CIROZ: variants seen among roughly 807,000 people sequenced by gnomAD.
CIROZ encodes ciliated left-right organizer ZP-N domains-containing protein.
At chr1:10,950,796 G>A in the CIROZ span, among the ~76,000 whole-genome samples, 11,747 of 152,200 alleles carry the variant, frequency 0.077, 789 homozygotes, top group African/African-American at 0.18. Flanking sequence ...TGTTTGACTC[G>A]GCCTGCAGGG....
At chr1:10,977,907 C>T in the CIROZ span, among the ~76,000 whole-genome samples, 11 of 152,110 alleles carry the variant, frequency 7.2e-5, no homozygotes, top group African/African-American at 1.2e-4. Context: ...CTGTGGTTCA[C>T]GCCTGTAATC....
the CIROZ span, chr1:10,957,633 G>A: frequency 3.7e-5 from 60 of 1,614,060 alleles, no homozygotes; most frequent in Non-Finnish European, 4.9e-5. Flanking sequence ...CTCTGAAGAA[G>A]GCCTTGTCTC....
At chr1:10,958,658 G>A in the CIROZ span, 1 of 1,599,280 alleles carries the variant, frequency 6.3e-7, no homozygotes, top group African/African-American at 1.3e-5. Context: ...GCACCCACCA[G>A]TCCTAGCAGA....
At chr1:10,951,745 A>AAATATAT in the CIROZ span, among the ~76,000 whole-genome samples, 16 of 119,190 alleles carry the variant, frequency 1.3e-4, no homozygotes, top group African/African-American at 3.6e-4. Flanking sequence ...AAAAAAAAAA[A>AAATATAT]ATATATATAT....
chr1:10,951,745 A>AAAAAAAAAAAATATATATATATATAT, the CIROZ span, among the ~76,000 whole-genome samples: 8 of 119,192 alleles, frequency 6.7e-5, no homozygotes. Context: ...AAAAAAAAAA[A>AAAAAAAAAAAATATATATATATATAT]ATATATATAT....
chr1:10,956,975 T>G, the CIROZ span: 1 of 1,479,256 alleles, frequency 6.8e-7, no homozygotes, highest in Non-Finnish European at 9.2e-7. Flanking sequence ...CAGACCAGAA[T>G]GTGATGAAGT....
the CIROZ span, among the ~76,000 whole-genome samples, chr1:10,972,410 G>A: frequency 8.3e-6 from 1 of 120,784 alleles, no homozygotes; most frequent in African/African-American, 3.1e-5. Context: ...GCAAGACCCT[G>A]TCTCTGAAAT....
At chr1:10,972,940 T>C in the CIROZ span, among the ~76,000 whole-genome samples, 1 of 145,568 alleles carries the variant, frequency 6.9e-6, no homozygotes, top group African/African-American at 2.8e-5. Flanking sequence ...AATAAATAAG[T>C]AAAAATTTAA....
the CIROZ span, among the ~76,000 whole-genome samples, chr1:10,947,384 C>T: frequency 2.0e-3 from 298 of 152,336 alleles, 8 homozygotes; most frequent in East Asian, 0.038. Context: ...GACGGCCTGC[C>T]GCTTCACCCC....
chr1:10,973,865 G>A, the CIROZ span, among the ~76,000 whole-genome samples: 2 of 152,142 alleles, frequency 1.3e-5, no homozygotes, highest in Non-Finnish European at 2.9e-5. Flanking sequence ...GAGCAGGCAG[G>A]ATCTGCCTTC....
chr1:10,948,691 G>A, the CIROZ span: 1 of 1,598,946 alleles, frequency 6.3e-7, no homozygotes, highest in South Asian at 1.1e-5. Flanking sequence ...TCCGAGGGGA[G>A]CGTGGCTGGA....
At chr1:10,957,106 A>G in the CIROZ span, 166 of 1,548,738 alleles carry the variant, frequency 1.1e-4, no homozygotes, top group Non-Finnish European at 1.4e-4. Context: ...GGTGTTCAGC[A>G]CCTGGGGAGG....
the CIROZ span, among the ~76,000 whole-genome samples, chr1:10,950,031 T>C: frequency 1.1e-5 from 1 of 95,090 alleles, no homozygotes; most frequent in Non-Finnish European, 1.8e-5. Context: ...ATCAAGATTC[T>C]TTTTTTTTTT....
the CIROZ span, among the ~76,000 whole-genome samples, chr1:10,974,906 A>G: frequency 2.0e-5 from 3 of 152,320 alleles, no homozygotes; most frequent in Admixed American, 6.5e-5. This position sits in a 1 kb window ranked among gnomAD's most constrained non-coding sequence, Gnocchi z 4.4. Context: ...GTTGCTGTCA[A>G]TAGTGAAGAT....
chr1:10,977,216 T>A, the CIROZ span, among the ~76,000 whole-genome samples: 1 of 151,662 alleles, frequency 6.6e-6, no homozygotes, highest in African/African-American at 2.4e-5. Context: ...AAATGATGAA[T>A]CTCGTGCCTA....
chr1:10,949,006 C>T, the CIROZ span: 1 of 579,336 alleles, frequency 1.7e-6, no homozygotes. Flanking sequence ...GGGTGGATCA[C>T]TTGAGGCCAG....
the CIROZ span, chr1:10,947,495 T>C: frequency 1.9e-6 from 1 of 538,204 alleles, no homozygotes; most frequent in Non-Finnish European, 2.9e-6. Context: ...CCTAGATGCC[T>C]AGCTGTGGCT....
chr1:10,957,427 G>A, the CIROZ span, among the ~76,000 whole-genome samples: 2 of 152,252 alleles, frequency 1.3e-5, no homozygotes, highest in Admixed American at 6.5e-5. Context: ...ATGATTGCAG[G>A]AGCCCCTCAT....
At chr1:10,981,186 T>C in the CIROZ span, among the ~76,000 whole-genome samples, 1 of 152,218 alleles carries the variant, frequency 6.6e-6, no homozygotes, top group African/African-American at 2.4e-5. Context: ...CAGTGAGTCA[T>C]GCCCGTAATC....
Sources: gnomAD v4.1 joint callset for allele counts (sites outside exome capture counted in the v4.1 genomes callset) on GRCh38, gnomAD v4.1.1 for gene constraint, Gnocchi (gnomAD v3.1) non-coding constraint, MANE v1.5 for transcripts, NCBI Gene and HGNC (gene_info 2026-07-23, HGNC 2026-07-21) for gene names.